Variants in NAALADL2 observed in about 807,000 individuals in gnomAD.
NAALADL2 encodes inactive N-acetylated-alpha-linked acidic dipeptidase-like protein 2.
NAALADL2 carries 76 observed loss-of-function variants against 87.2 expected under a neutral mutation model. The observed-to-expected ratio is 0.87, with a 90% CI of 0.72 to 1.05. The LOEUF (loss-of-function observed/expected upper bound fraction) is 1.05, where lower values mean the gene tolerates loss of function less well. Ranked by LOEUF, NAALADL2 falls within the 50% of genes least tolerant of loss-of-function variation. NAALADL2 has a pLI of 0.00. For synonymous variants in NAALADL2, 354 were observed against 331.0 expected, an observed-to-expected ratio of 1.07 and a Z score of -0.75; for missense variants, 1,089 against 945.8, an observed-to-expected ratio of 1.15 and a Z score of -1.99.
intron 1 of NAALADL2, among the ~76,000 whole-genome samples, chr3:174,492,046 G>T (rs1718228674): frequency 6.6e-6 from 1 of 152,074 alleles, no homozygotes; most frequent in African/African-American, 2.4e-5. Context: ...AAGGTGGGTG[G>T]ATCACCTGAG....
intron 5 of NAALADL2, among the ~76,000 whole-genome samples, chr3:175,397,553 C>A (rs546164411): frequency 8.1e-4 from 124 of 152,218 alleles, no homozygotes; most frequent in African/African-American, 2.8e-3. Flanking sequence ...GCAGTGACAT[C>A]CAGTTATAAT....
chr3:174,639,564 G>C (rs1722971445), intron 2 of NAALADL2, among the ~76,000 whole-genome samples: 1 of 152,104 alleles, frequency 6.6e-6, no homozygotes, highest in Non-Finnish European at 1.5e-5. Context: ...AGAAGTGGTG[G>C]TTAAACCTTT....
intron 1 of NAALADL2, among the ~76,000 whole-genome samples, chr3:174,976,896 C>A (rs1744425562): frequency 6.6e-6 from 1 of 152,146 alleles, no homozygotes; most frequent in African/African-American, 2.4e-5. Flanking sequence ...CCTTGAAGGG[C>A]CCATTACATA....
chr3:175,382,200 T>C (rs1767865792), intron 5 of NAALADL2, among the ~76,000 whole-genome samples: 1 of 152,080 alleles, frequency 6.6e-6, no homozygotes, highest in Non-Finnish European at 1.5e-5. Context: ...TAGCTAAAAA[T>C]AGAAAAATAA....
intron 1 of NAALADL2, among the ~76,000 whole-genome samples, chr3:174,981,474 A>G (rs929970404): frequency 6.6e-6 from 1 of 152,192 alleles, no homozygotes; most frequent in East Asian, 1.9e-4. Context: ...CATACATGGG[A>G]AAATTTCTAT....
chr3:175,746,152 G>A (rs1390949953), intron 12 of NAALADL2, among the ~76,000 whole-genome samples: 2 of 151,202 alleles, frequency 1.3e-5, no homozygotes, highest in Admixed American at 1.3e-4. Flanking sequence ...TGAGAATTTG[G>A]TCTGACTTTT....
chr3:174,842,870 TATC>T (rs201137868), intron 3 of NAALADL2, among the ~76,000 whole-genome samples: 1,747 of 152,240 alleles, frequency 0.011, 36 homozygotes, highest in African/African-American at 0.041. Context: ...GCAGTGGAAA[TATC>T]ATTGAAATTA....
intron 9 of NAALADL2, among the ~76,000 whole-genome samples, chr3:175,492,695 C>A (rs531518719): frequency 1.4e-4 from 21 of 152,168 alleles, no homozygotes; most frequent in African/African-American, 4.3e-4. Context: ...TATTCATATA[C>A]AAATGTAAAT....
chr3:175,203,351 C>T (rs531140474), intron 2 of NAALADL2, among the ~76,000 whole-genome samples: 1 of 152,240 alleles, frequency 6.6e-6, no homozygotes, highest in African/African-American at 2.4e-5. Flanking sequence ...TCGCTCAGCT[C>T]TCTAAACTGA....
At chr3:175,353,682 C>A (rs1764035824) in intron 5 of NAALADL2, among the ~76,000 whole-genome samples, 1 of 152,124 alleles carries the variant, frequency 6.6e-6, no homozygotes, top group Non-Finnish European at 1.5e-5. Context: ...GGCAAGCTAG[C>A]TTGAAAGGAA....
intron 1 of NAALADL2, among the ~76,000 whole-genome samples, chr3:174,903,234 T>G (rs1732522317): frequency 6.6e-6 from 1 of 152,106 alleles, no homozygotes; most frequent in Non-Finnish European, 1.5e-5. Flanking sequence ...ACATTAGATA[T>G]TAGCCAAGAA....
chr3:174,934,414 C>T lies in NAALADL2; in HGVS notation c.43+74964C>T, dbSNP rs974532357. 2.6e-5 allele frequency among the ~76,000 whole-genome samples: 4 copies of T among 152,166 alleles called. No individual in the cohort carries two copies. In the East Asian group the frequency reaches 7.7e-4, roughly 29 times the overall value. On this transcript the variant is annotated intron_variant, in intron 1 of 13. Coordinates refer to ENST00000454872, the MANE Select transcript of NAALADL2 (RefSeq NM_207015.3). ...GAATCTAAAGTAAATGACCATTTCA[C>T]AGCTGTTTTCAGTTTCTGATTGAAT...
chr3:175,503,372 T>C (rs920835543), intron 9 of NAALADL2, among the ~76,000 whole-genome samples: 1 of 152,172 alleles, frequency 6.6e-6, no homozygotes, highest in Non-Finnish European at 1.5e-5. Flanking sequence ...CTATTGTGAA[T>C]AGTGCTGAAA....
At chr3:174,927,702 T>C (rs1056099401) in intron 1 of NAALADL2, among the ~76,000 whole-genome samples, 3 of 152,138 alleles carry the variant, frequency 2.0e-5, no homozygotes, top group Non-Finnish European at 2.9e-5. Flanking sequence ...GGGACACATT[T>C]AAAGCAGTGT....
intron 2 of NAALADL2, among the ~76,000 whole-genome samples, chr3:174,660,035 A>G (rs577215169): frequency 6.6e-6 from 1 of 152,314 alleles, no homozygotes; most frequent in South Asian, 2.1e-4. Context: ...AGAATATAAT[A>G]AACACTTTTA....
chr3:175,311,214 C>A (rs981914310), intron 4 of NAALADL2, among the ~76,000 whole-genome samples: 1 of 136,554 alleles, frequency 7.3e-6, no homozygotes, highest in Non-Finnish European at 1.5e-5. Flanking sequence ...TATACTCAAT[C>A]TAGAACATGG....
intron 2 of NAALADL2, among the ~76,000 whole-genome samples, chr3:175,155,202 C>T (rs1732121053): frequency 6.6e-6 from 1 of 152,080 alleles, no homozygotes; most frequent in African/African-American, 2.4e-5. Flanking sequence ...TGGGTATCAG[C>T]AGTTACCATG....
At chr3:174,534,003 A>AT (rs1251589347) in intron 1 of NAALADL2, among the ~76,000 whole-genome samples, 3 of 152,200 alleles carry the variant, frequency 2.0e-5, no homozygotes, top group African/African-American at 7.2e-5. Flanking sequence ...CATGACAATA[A>AT]TTTTTTAAAA....
At chr3:174,607,515 T>C (rs1719241125) in intron 2 of NAALADL2, among the ~76,000 whole-genome samples, 1 of 149,246 alleles carries the variant, frequency 6.7e-6, no homozygotes, top group Admixed American at 6.7e-5. Flanking sequence ...GGGGTTGCAA[T>C]CCTAGTCTCT....
Sources: allele counts gnomAD v4.1 joint callset (sites outside exome capture counted in the v4.1 genomes callset), GRCh38; gene constraint gnomAD v4.1.1; transcripts MANE v1.5; gene names NCBI Gene and HGNC (gene_info 2026-07-23, HGNC 2026-07-21).